The following CHST11 variants were observed in gnomAD, a reference collection of about 807,000 sequenced individuals.
CHST11 encodes C4S-1.
Under a neutral mutation model 30.4 loss-of-function variants are expected in CHST11, and 9 were observed. The observed-to-expected ratio is 0.30, with a 90% CI of 0.18 to 0.52. The LOEUF (loss-of-function observed/expected upper bound fraction) is 0.52. CHST11 is among the 20% of genes least tolerant of loss of function. The pLI, the probability that CHST11 is intolerant of heterozygous loss-of-function variation, is 0.97. For synonymous variants in CHST11, 152 were observed against 187.8 expected, an observed-to-expected ratio of 0.81 and a Z score of 1.56; for missense variants, 348 against 460.6, an observed-to-expected ratio of 0.76 and a Z score of 2.24.
chr12:104,613,679 G>A (rs2039081866), intron 2 of CHST11, among the ~76,000 whole-genome samples: 3 of 152,120 alleles, frequency 2.0e-5, no homozygotes, highest in Admixed American at 2.0e-4. Context: ...CATGCTTCCT[G>A]TACAGCCTGT....
intron 2 of CHST11, among the ~76,000 whole-genome samples, chr12:104,643,209 C>G (rs2039394573): frequency 6.6e-6 from 1 of 151,780 alleles, no homozygotes; most frequent in African/African-American, 2.4e-5. Flanking sequence ...GCCTGTAGTC[C>G]CAGCTACTTG....
intron 2 of CHST11, among the ~76,000 whole-genome samples, chr12:104,664,303 G>C (rs1340154254): frequency 6.6e-6 from 1 of 152,104 alleles, no homozygotes; most frequent in Non-Finnish European, 1.5e-5. Flanking sequence ...AGAAAAATGA[G>C]GATGCTAACA....
chr12:104,706,527 A>T (rs1202229374), intron 2 of CHST11, among the ~76,000 whole-genome samples: 1 of 152,030 alleles, frequency 6.6e-6, no homozygotes, highest in Non-Finnish European at 1.5e-5. Flanking sequence ...AGTAGATGGC[A>T]TTTGAGAAGC....
chr12:104,466,887 A>G (rs1403622789), intron 1 of CHST11, among the ~76,000 whole-genome samples: 1 of 152,194 alleles, frequency 6.6e-6, no homozygotes, highest in African/African-American at 2.4e-5. Flanking sequence ...ACTCTTTATC[A>G]ATTCTGATTC....
intron 1 of CHST11, among the ~76,000 whole-genome samples, chr12:104,601,521 T>C (rs575061204): frequency 6.6e-6 from 1 of 152,360 alleles, no homozygotes; most frequent in African/African-American, 2.4e-5. Flanking sequence ...TGACTGTTGC[T>C]GGAGAAGTCT....
chr12:104,668,493 G>A (rs1383702110), intron 2 of CHST11, among the ~76,000 whole-genome samples: 1 of 152,196 alleles, frequency 6.6e-6, no homozygotes, highest in African/African-American at 2.4e-5. Context: ...TCCCTGAGCT[G>A]CAGCTGACCA....
At chr12:104,598,224 T>C (rs1450332036) in intron 1 of CHST11, among the ~76,000 whole-genome samples, 2 of 152,188 alleles carry the variant, frequency 1.3e-5, no homozygotes, top group South Asian at 2.1e-4. Context: ...TAGGTCCTCA[T>C]TGTTACCATT....
chr12:104,744,287 A>G (rs1015886312), intron 2 of CHST11, among the ~76,000 whole-genome samples: 1 of 152,210 alleles, frequency 6.6e-6, no homozygotes, highest in Non-Finnish European at 1.5e-5. Flanking sequence ...CTTTTTAGTA[A>G]TAGCCATTCT....
chr12:104,604,020 T>G (rs2038980710), intron 2 of CHST11, among the ~76,000 whole-genome samples: 1 of 152,186 alleles, frequency 6.6e-6, no homozygotes, highest in Non-Finnish European at 1.5e-5. Context: ...CACTAGGCGC[T>G]GGGCACAAAA....
chr12:104,684,526 TGTTTGATATG>T (rs2039827949), intron 2 of CHST11, among the ~76,000 whole-genome samples: 1 of 152,122 alleles, frequency 6.6e-6, no homozygotes, highest in Admixed American at 6.5e-5. Context: ...ACCTTTGTTT[TGTTTGATATG>T]GTTTGGTTTG....
At chr12:104,723,414 C>A in intron 2 of CHST11, among the ~76,000 whole-genome samples, 1 of 152,218 alleles carries the variant, frequency 6.6e-6, no homozygotes, top group East Asian at 1.9e-4. Flanking sequence ...CCTGCACCAC[C>A]CCTAACCCTG....
chr12:104,624,604 G>C (rs533816093), intron 2 of CHST11, among the ~76,000 whole-genome samples: 2 of 152,160 alleles, frequency 1.3e-5, no homozygotes, highest in Non-Finnish European at 2.9e-5. Flanking sequence ...TACCTTACAC[G>C]ACTACTGTGA....
At chr12:104,546,194 G>C (rs2038347029) in intron 1 of CHST11, among the ~76,000 whole-genome samples, 1 of 151,984 alleles carries the variant, frequency 6.6e-6, no homozygotes, top group Non-Finnish European at 1.5e-5. Flanking sequence ...CCTGGGTTGG[G>C]TAGAGTGGCT....
In CHST11 at chr12:104,729,924, G is replaced by A. The variant is rs1178701798; in HGVS notation, c.205-27025G>A. 6.6e-6 allele frequency among the ~76,000 whole-genome samples: 1 copy of A among 152,208 alleles called. No homozygotes were observed. Among genetic ancestry groups the A allele is most frequent in the African/African-American group, 2.4e-5 (1 of 41,446 alleles). On this transcript the variant is annotated intron_variant, in intron 2 of 2. Coordinates refer to ENST00000303694, the MANE Select transcript of CHST11 (RefSeq NM_018413.6). This position sits in a 1 kb window ranked among gnomAD's most constrained non-coding sequence, Gnocchi z 4.0. ...CGTGCGTGTCTGGCTGCTGGTTGGT[G>A]TCGGGGTGGTTTTGCACTTTCTGTT...
chr12:104,471,124 TGGTCAGAATGAGG>T (rs2037505047), intron 1 of CHST11, among the ~76,000 whole-genome samples: 1 of 152,192 alleles, frequency 6.6e-6, no homozygotes, highest in Non-Finnish European at 1.5e-5. Flanking sequence ...CATCCCCTCT[TGGTCAGAATGAGG>T]GGATAGATGT....
At chr12:104,482,675 C>T (rs2037638552) in intron 1 of CHST11, among the ~76,000 whole-genome samples, 1 of 152,104 alleles carries the variant, frequency 6.6e-6, no homozygotes, top group Non-Finnish European at 1.5e-5. Flanking sequence ...CCCGGAGCTT[C>T]ACACACATTG....
intron 1 of CHST11, among the ~76,000 whole-genome samples, chr12:104,535,304 C>T (rs528353361): frequency 4.6e-5 from 7 of 152,304 alleles, no homozygotes; most frequent in African/African-American, 9.6e-5. Context: ...TGAGGTCTGA[C>T]GCTGTCTTCC....
intron 2 of CHST11, among the ~76,000 whole-genome samples, chr12:104,691,721 C>T (rs1324994860): frequency 6.6e-6 from 1 of 152,122 alleles, no homozygotes; most frequent in Non-Finnish European, 1.5e-5. Flanking sequence ...ATCATCTGAC[C>T]TCATGATCCG....
rs312158 is a variant in CHST11 at position 104,729,066 on chromosome 12, C to T, written c.205-27883C>T. On this transcript the variant is annotated intron_variant, in intron 2 of 2. Coordinates refer to ENST00000303694, the MANE Select transcript of CHST11 (RefSeq NM_018413.6). The surrounding 1 kb of genome is among the most constrained non-coding windows in gnomAD (Gnocchi z 4.0). Reference sequence around the variant, plus strand: ...TGGGAATTTAGGGGAATTTTATTTTCGTGTTATTGTTTTCCTCTAATTATT... The same window carrying T: ...TGGGAATTTAGGGGAATTTTATTTTTGTGTTATTGTTTTCCTCTAATTATT... Among the ~76,000 whole-genome samples, 87,546 of 152,020 alleles carry T rather than the reference C, an allele frequency of 0.58. 26,072 individuals are homozygous for T. Among genetic ancestry groups the T allele is most frequent in the East Asian group, 0.98 (5,103 of 5,182 alleles).
Sources: gnomAD v4.1 joint callset for allele counts (sites outside exome capture counted in the v4.1 genomes callset) on GRCh38, gnomAD v4.1.1 for gene constraint, Gnocchi (gnomAD v3.1) non-coding constraint, MANE v1.5 for transcripts, NCBI Gene and HGNC (gene_info 2026-07-23, HGNC 2026-07-21) for gene names.